The following HS6ST3 variants were observed in gnomAD, a reference collection of about 807,000 sequenced individuals.
HS6ST3 encodes the protein heparan-sulfate 6-O-sulfotransferase 3.
HS6ST3 carries 12 observed loss-of-function variants against 36.7 expected under a neutral mutation model. That is an observed-to-expected ratio of 0.33 (90% CI 0.21 to 0.53). HS6ST3 has a LOEUF of 0.53. HS6ST3 is among the 20% of genes least tolerant of loss of function. The pLI, the probability that HS6ST3 is intolerant of heterozygous loss-of-function variation, is 0.95. For missense variants in HS6ST3, 584 were observed against 640.9 expected (o/e 0.91, Z 0.96); for synonymous variants, 240 against 257.5 (o/e 0.93, Z 0.65).
At chr13:96,122,400 A>C (rs1374026534) in intron 1 of HS6ST3, among the ~76,000 whole-genome samples, 2 of 152,150 alleles carry the variant, frequency 1.3e-5, no homozygotes, top group Non-Finnish European at 2.9e-5. Context: ...ATTTTAATTA[A>C]CATAATCTCA....
At chr13:96,405,602 A>T (rs1161334893) in intron 1 of HS6ST3, among the ~76,000 whole-genome samples, 1 of 152,162 alleles carries the variant, frequency 6.6e-6, no homozygotes, top group Non-Finnish European at 1.5e-5. Context: ...AGTGCTACAA[A>T]CACTTTTTCT....
intron 1 of HS6ST3, among the ~76,000 whole-genome samples, chr13:96,814,018 A>G (rs949621727): frequency 6.6e-6 from 1 of 152,198 alleles, no homozygotes; most frequent in Non-Finnish European, 1.5e-5. Flanking sequence ...TATTATTTAA[A>G]ATATTCAATC....
At chr13:96,120,787 G>A (rs760996460) in intron 1 of HS6ST3, among the ~76,000 whole-genome samples, 2 of 152,210 alleles carry the variant, frequency 1.3e-5, no homozygotes, top group African/African-American at 2.4e-5. Context: ...ACCGTTATCC[G>A]CTCTGACATA....
chr13:96,787,315 G>T (rs921518928), intron 1 of HS6ST3, among the ~76,000 whole-genome samples: 13 of 152,062 alleles, frequency 8.5e-5, no homozygotes, highest in Admixed American at 7.9e-4. Flanking sequence ...TTAAGAAAAT[G>T]CCAAAGTATT....
intron 1 of HS6ST3, among the ~76,000 whole-genome samples, chr13:96,438,499 C>T (rs2055654006): frequency 6.6e-6 from 1 of 152,176 alleles, no homozygotes; most frequent in African/African-American, 2.4e-5. Flanking sequence ...TGTTCTGTCT[C>T]TCTCTACTTG....
intron 1 of HS6ST3, among the ~76,000 whole-genome samples, chr13:96,489,193 T>C (rs1216962845): frequency 6.6e-6 from 1 of 151,968 alleles, no homozygotes; most frequent in Non-Finnish European, 1.5e-5. Context: ...AAAAAGCATT[T>C]AAGGTTATAA....
intron 1 of HS6ST3, among the ~76,000 whole-genome samples, chr13:96,499,591 G>A (rs1353011256): frequency 3.3e-5 from 5 of 152,000 alleles, no homozygotes. Context: ...GGCCACATGA[G>A]GAAAGCGACA....
intron 1 of HS6ST3, among the ~76,000 whole-genome samples, chr13:96,583,241 T>C (rs1430307770): frequency 2.0e-5 from 2 of 99,290 alleles, no homozygotes; most frequent in African/African-American, 7.8e-5. Context: ...TGAGACGGAG[T>C]CTTGCTCTGT....
chr13:96,109,520 G>A (rs1366328134), intron 1 of HS6ST3, among the ~76,000 whole-genome samples: 2 of 152,308 alleles, frequency 1.3e-5, no homozygotes, highest in East Asian at 1.9e-4. Flanking sequence ...TCACAGATTG[G>A]CCTGTGTTTT....
At chr13:96,461,657 G>T (rs2055784839) in intron 1 of HS6ST3, among the ~76,000 whole-genome samples, 1 of 152,186 alleles carries the variant, frequency 6.6e-6, no homozygotes, top group Non-Finnish European at 1.5e-5. Context: ...CTGCAAGGTG[G>T]ATAAGCTCCA....
chr13:96,609,740 A>G (rs1359476481), intron 1 of HS6ST3, among the ~76,000 whole-genome samples: 3 of 152,208 alleles, frequency 2.0e-5, no homozygotes, highest in Non-Finnish European at 2.9e-5. Flanking sequence ...ATAGGGGAAA[A>G]TTGTTATATT....
chr13:96,507,282 T>A (rs2056030304), intron 1 of HS6ST3, among the ~76,000 whole-genome samples: 1 of 152,126 alleles, frequency 6.6e-6, no homozygotes, highest in Non-Finnish European at 1.5e-5. Context: ...TGGAATGATG[T>A]ATGTCCTGAG....
At chr13:96,548,409 G>A (rs752862191) in intron 1 of HS6ST3, among the ~76,000 whole-genome samples, 19 of 152,220 alleles carry the variant, frequency 1.2e-4, no homozygotes, top group East Asian at 7.7e-4. Context: ...CTCTGCTTAC[G>A]TAAACTGGCT....
chr13:96,807,557 A>G (rs76947041), intron 1 of HS6ST3, among the ~76,000 whole-genome samples: 5,983 of 152,272 alleles, frequency 0.039, 386 homozygotes, highest in African/African-American at 0.13. Flanking sequence ...TGCCAGCAAA[A>G]TGCCAGAAGT....
At chr13:96,345,416 C>T (rs919329049) in intron 1 of HS6ST3, among the ~76,000 whole-genome samples, 3 of 151,718 alleles carry the variant, frequency 2.0e-5, no homozygotes, top group Non-Finnish European at 2.9e-5. Context: ...ATCTAGTGCC[C>T]GGTATTATTT....
At position 96,099,777 on chromosome 13, in the gene HS6ST3, A is replaced by G. The variant is rs1237491008; in HGVS notation, c.707+8208A>G. ...GATGTCCTCGGTATTTATTTATTAG[A>G]TTTACAAAGTATTTCTTCCAAATAA... is the stretch of plus-strand genomic sequence containing the variant. On this transcript the variant is annotated intron_variant, in intron 1 of 1. Transcript: ENST00000376705. 2.6e-5 allele frequency among the ~76,000 whole-genome samples: 4 copies of G among 152,232 alleles called. No homozygotes were observed. In the East Asian group the frequency reaches 5.8e-4, roughly 22 times the overall value.
At chr13:96,404,947 C>T (rs1003473118) in intron 1 of HS6ST3, among the ~76,000 whole-genome samples, 7 of 152,160 alleles carry the variant, frequency 4.6e-5, no homozygotes, top group East Asian at 1.9e-4. Context: ...ATGAGTCTCA[C>T]GAGATCTGAT....
intron 1 of HS6ST3, among the ~76,000 whole-genome samples, chr13:96,501,277 A>G (rs983900548): frequency 1.3e-5 from 2 of 152,184 alleles, no homozygotes; most frequent in Non-Finnish European, 2.9e-5. Context: ...CCCATAGCAC[A>G]TAAAATTGGG....
At chr13:96,422,856 TTTC>T (rs1238275390) in intron 1 of HS6ST3, among the ~76,000 whole-genome samples, 1 of 152,214 alleles carries the variant, frequency 6.6e-6, no homozygotes, top group Non-Finnish European at 1.5e-5. Context: ...TAAAATAAGT[TTTC>T]TCCTTTTGAC....
Sources: gnomAD v4.1 joint callset for allele counts (sites outside exome capture counted in the v4.1 genomes callset) on GRCh38, gnomAD v4.1.1 for gene constraint, MANE v1.5 for transcripts, NCBI Gene and HGNC (gene_info 2026-07-23, HGNC 2026-07-21) for gene names.